LRP1B: variants seen among roughly 807,000 people sequenced by gnomAD.
The protein encoded by LRP1B is low-density lipoprotein receptor-related protein 1B.
In LRP1B, 217 loss-of-function variants were observed where a neutral mutation model predicts 556.6. The observed-to-expected ratio is 0.39, with a 90% CI of 0.35 to 0.44. The LOEUF is 0.44. Among genes scored for constraint, LRP1B ranks in the 20% least tolerant of loss-of-function variants. The pLI is 1.00. For synonymous variants in LRP1B, 2,047 were observed against 1,865.8 expected, an observed-to-expected ratio of 1.10 and a Z score of -2.50; for missense variants, 5,053 against 5,620.8, an observed-to-expected ratio of 0.90 and a Z score of 3.23.
At chr2:140,607,467 A>G (rs1016600816) in intron 41 of LRP1B, among the ~76,000 whole-genome samples, 1 of 152,112 alleles carries the variant, frequency 6.6e-6, no homozygotes, top group African/African-American at 2.4e-5. Context: ...CAAATGTTCA[A>G]CAAATGTTCA....
intron 21 of LRP1B, among the ~76,000 whole-genome samples, chr2:140,911,794 C>T (rs376089510): frequency 5.9e-5 from 9 of 151,562 alleles, no homozygotes; most frequent in South Asian, 2.1e-4. Context: ...TTGTTTTTTC[C>T]CAGACACATC....
At chr2:140,235,567 A>C (rs1680657484) in intron 89 of LRP1B, among the ~76,000 whole-genome samples, 1 of 151,178 alleles carries the variant, frequency 6.6e-6, no homozygotes, top group African/African-American at 2.4e-5. Flanking sequence ...ATATTCAAAT[A>C]TCAGGATCCA....
At chr2:140,840,483 G>T (rs1306413284) in intron 30 of LRP1B, among the ~76,000 whole-genome samples, 1 of 152,150 alleles carries the variant, frequency 6.6e-6, no homozygotes, top group African/African-American at 2.4e-5. Context: ...GCACTAGGGA[G>T]AAAAACATCT....
chr2:141,630,537 T>C (rs1688869106), intron 2 of LRP1B, among the ~76,000 whole-genome samples: 1 of 152,196 alleles, frequency 6.6e-6, no homozygotes, highest in Non-Finnish European at 1.5e-5. Context: ...CCTTCCCCTT[T>C]CCCAGGCTGA....
intron 84 of LRP1B, among the ~76,000 whole-genome samples, chr2:140,276,188 G>T (rs1045848618): frequency 1.3e-5 from 2 of 151,900 alleles, no homozygotes; most frequent in African/African-American, 4.8e-5. Context: ...TAATGGGTAA[G>T]AAAAATTAAA....
At chr2:140,935,056 C>A (rs1406276306) in intron 20 of LRP1B, among the ~76,000 whole-genome samples, 1 of 152,066 alleles carries the variant, frequency 6.6e-6, no homozygotes, top group African/African-American at 2.4e-5. Flanking sequence ...AATCTGATTT[C>A]CAGAGTTATC....
intron 66 of LRP1B, among the ~76,000 whole-genome samples, chr2:140,410,802 G>A (rs1684940830): frequency 3.3e-5 from 5 of 152,220 alleles, no homozygotes; most frequent in Middle Eastern, 6.8e-3. Flanking sequence ...AGAAAGAAAA[G>A]AATTGGTATT....
At chr2:140,335,174 T>G (rs949348473) in intron 78 of LRP1B, among the ~76,000 whole-genome samples, 4 of 143,516 alleles carry the variant, frequency 2.8e-5, no homozygotes, top group African/African-American at 7.7e-5. Context: ...CTCTTTAAAT[T>G]TGTGTGTGTG....
At chr2:141,473,719 T>C (rs916753782) in intron 3 of LRP1B, among the ~76,000 whole-genome samples, 27 of 152,162 alleles carry the variant, frequency 1.8e-4, no homozygotes, top group Non-Finnish European at 4.4e-5. Context: ...TGTAGACTTA[T>C]TGATGTTTCA....
At chr2:141,083,016 TTAAC>T (rs1238358666) in intron 7 of LRP1B, among the ~76,000 whole-genome samples, 1 of 152,214 alleles carries the variant, frequency 6.6e-6, no homozygotes, top group East Asian at 1.9e-4. Flanking sequence ...GCCCTATGCA[TTAAC>T]TAATGATCCA....
At chr2:141,038,991 T>A (rs1698619877) in intron 11 of LRP1B, among the ~76,000 whole-genome samples, 1 of 152,084 alleles carries the variant, frequency 6.6e-6, no homozygotes. Context: ...TCACCTTCCG[T>A]GGTTTCAGTT....
chr2:140,635,002 A>G (rs1301952108), intron 41 of LRP1B, among the ~76,000 whole-genome samples: 1 of 152,134 alleles, frequency 6.6e-6, no homozygotes, highest in Non-Finnish European at 1.5e-5. Flanking sequence ...TAACAAACAC[A>G]TGACAGTAAT....
chr2:141,641,631 A>G (rs866546782), intron 2 of LRP1B, among the ~76,000 whole-genome samples: 4 of 152,156 alleles, frequency 2.6e-5, no homozygotes, highest in African/African-American at 9.7e-5. Context: ...AAGCTGCCCC[A>G]TAAAATGGCA....
intron 1 of LRP1B, 103 bp from the exon 2 acceptor site, chr2:141,810,504 T>G: frequency 8.4e-7 from 1 of 1,185,528 alleles, no homozygotes. Context: ...AAAAGGTACA[T>G]GAATATGATC....
chr2:142,022,820 G>A (rs1016239895), intron 1 of LRP1B, among the ~76,000 whole-genome samples: 27 of 152,186 alleles, frequency 1.8e-4, no homozygotes, highest in African/African-American at 6.0e-4. Context: ...ACAGGTGCGT[G>A]CCATCACGCC....
At chr2:141,804,323 T>G (rs1021874687) in intron 2 of LRP1B, among the ~76,000 whole-genome samples, 1 of 152,120 alleles carries the variant, frequency 6.6e-6, no homozygotes, top group South Asian at 2.1e-4. Flanking sequence ...AAATGAGATA[T>G]TATCTACATT....
intron 1 of LRP1B, among the ~76,000 whole-genome samples, chr2:141,863,839 A>G (rs1488810408): frequency 6.6e-6 from 1 of 152,214 alleles, no homozygotes; most frequent in Non-Finnish European, 1.5e-5. Context: ...AGTTCCAATA[A>G]TGTTTTCATG....
chr2:142,116,581 A>G (rs990431654), intron 1 of LRP1B, among the ~76,000 whole-genome samples: 2 of 152,132 alleles, frequency 1.3e-5, no homozygotes, highest in African/African-American at 4.8e-5. Context: ...AATAAAATCT[A>G]TACCCTCATT....
intron 1 of LRP1B, among the ~76,000 whole-genome samples, chr2:141,999,374 T>C (rs1176481158): frequency 6.6e-6 from 1 of 152,122 alleles, no homozygotes; most frequent in Non-Finnish European, 1.5e-5. Context: ...AGAAATTATT[T>C]CTATAAATAC....
Sources: gnomAD v4.1 joint callset for allele counts (sites outside exome capture counted in the v4.1 genomes callset) on GRCh38, gnomAD v4.1.1 for gene constraint, MANE v1.5 for transcripts, NCBI Gene and HGNC (gene_info 2026-07-23, HGNC 2026-07-21) for gene names.